CENPN: variants seen among roughly 807,000 people sequenced by gnomAD.
CENPN encodes centromere protein N.
Under a neutral mutation model 48.6 loss-of-function variants are expected in CENPN, and 36 were observed. The ratio of observed to expected loss-of-function variants is 0.74; its 90% CI spans 0.57 to 0.98. The LOEUF is 0.98. CENPN is among the 50% of genes least tolerant of loss of function. CENPN has a pLI of 0.00. For synonymous variants in CENPN, 166 were observed against 135.2 expected, an observed-to-expected ratio of 1.23 and a Z score of -1.58; for missense variants, 439 against 399.2, an observed-to-expected ratio of 1.10 and a Z score of -0.85.
chr16:81,014,425 G>C (rs1969857430), intron 3 of CENPN: 1 of 450,966 alleles, frequency 2.2e-6, no homozygotes, highest in East Asian at 3.8e-5. Flanking sequence ...TTGCCACAAG[G>C]TTTTGCCGTG....
chr16:81,031,937 C>G (rs1970795880), downstream of CENPN, among the ~76,000 whole-genome samples: 1 of 152,056 alleles, frequency 6.6e-6, no homozygotes, highest in Non-Finnish European at 1.5e-5. Flanking sequence ...CTCTTCATGG[C>G]CAACTCACTG....
At chr16:81,010,688 C>T (rs1183370830) in intron 1 of CENPN, among the ~76,000 whole-genome samples, 1 of 152,230 alleles carries the variant, frequency 6.6e-6, no homozygotes, top group Non-Finnish European at 1.5e-5. Flanking sequence ...AACAGAATTA[C>T]AGAATTCTTG....
chr16:81,032,728 G>C, downstream of CENPN: 1 of 1,580,810 alleles, frequency 6.3e-7, no homozygotes, highest in Non-Finnish European at 8.6e-7. Flanking sequence ...ACATTTAAAT[G>C]GTTAATCAAA....
rs1969956484 is a variant in CENPN, at chr16:81,016,949, A to G, written c.218-377A>G. 1.7e-4 allele frequency: 41 copies of G among 237,952 alleles called. No individual in the cohort carries two copies. The South Asian group carries it at 1.7e-3, about 10-fold the overall frequency. The allele number at this position is 237,952 out of a possible 1,614,324, so 14.7% of individuals were successfully genotyped here. ...AGTAGGGTGTGTAAGGAGCTAGGAG[A>G]AGAGGCTCCAGGCAGAGGAACAGCT... is the stretch of plus-strand genomic sequence containing the variant. On this transcript the variant is annotated intron_variant, in intron 3 of 10. Transcript: ENST00000305850.
chr16:81,008,777 T>A (rs1051377659), intron 1 of CENPN, among the ~76,000 whole-genome samples: 7 of 152,254 alleles, frequency 4.6e-5, no homozygotes, highest in Non-Finnish European at 7.3e-5. Context: ...CTTGGCCTGA[T>A]TAGACTTACT....
chr16:81,031,695 T>G (rs560558595), downstream of CENPN, among the ~76,000 whole-genome samples: 1 of 152,174 alleles, frequency 6.6e-6, no homozygotes, highest in Admixed American at 6.5e-5. Context: ...TTGGTTGAGG[T>G]TCTTTATCCA....
intron 5 of CENPN, among the ~76,000 whole-genome samples, chr16:81,018,263 T>G (rs1046237002): frequency 1.3e-4 from 19 of 151,740 alleles, no homozygotes; most frequent in Non-Finnish European, 2.6e-4. Flanking sequence ...TGCAACTGCC[T>G]CCTGGGTTCA....
In CENPN at chr16:81,022,212, C is replaced by A. The variant is rs192092602; in HGVS notation, c.532-385C>A. The A allele has an allele frequency of 3.5e-5, 8 of 230,692 alleles. No individual in the cohort carries two copies. The East Asian group carries it at 8.8e-4, about 25-fold the overall frequency. 14.3% of individuals were successfully genotyped at this position (230,692 alleles called of 1,614,324 possible). ...TGTATTCAATACACACTTATTTCTT[C>A]AGTATTTGCCAAAAAGCATACATAT... On this transcript the variant is annotated intron_variant, in intron 6 of 10. Coordinates refer to ENST00000305850, the MANE Select transcript of CENPN (RefSeq NM_001100624.3).
intron 3 of CENPN, among the ~76,000 whole-genome samples, chr16:81,016,382 T>G (rs1240555113): frequency 1.3e-5 from 2 of 152,222 alleles, no homozygotes; most frequent in Non-Finnish European, 2.9e-5. Flanking sequence ...CAGTTAAGTT[T>G]AGACCTGGGA....
intron 4 of CENPN, among the ~76,000 whole-genome samples, 160 bp from the exon 5 acceptor site, chr16:81,017,598 T>G (rs11866803): frequency 0.27 from 40,715 of 152,078 alleles, 5,663 homozygotes; most frequent in East Asian, 0.42. Context: ...GAAACATACT[T>G]CTTGGTGCCA....
At chr16:81,023,685 C>G in intron 7 of CENPN, 1 of 152,252 alleles carries the variant, frequency 6.6e-6, no homozygotes, top group East Asian at 1.9e-4. Flanking sequence ...GCCTGTAACC[C>G]TAGCTCTTTG....
At chr16:81,023,057 T>C in intron 7 of CENPN, 1 of 562,410 alleles carries the variant, frequency 1.8e-6, no homozygotes, top group Non-Finnish European at 2.9e-6. Flanking sequence ...ATTAACTTTT[T>C]GTCCCATCAC....
intron 6 of CENPN, 176 bp from the exon 7 acceptor site, chr16:81,022,421 C>A: frequency 1.7e-6 from 1 of 591,434 alleles, no homozygotes; most frequent in Non-Finnish European, 3.0e-6. Context: ...GTATTAATGC[C>A]ATTAACCACT....
At chr16:81,032,216 T>G (rs370192511), downstream of CENPN, among the ~76,000 whole-genome samples, 20 of 152,166 alleles carry the variant, frequency 1.3e-4, 1 homozygote, top group South Asian at 4.1e-3. Context: ...TCATTATCTA[T>G]CAAAAAATGA....
rs1970502325 is a variant in CENPN, at chr16:81,026,516, C to T, written c.698-10C>T. On this transcript the variant is annotated splice_polypyrimidine_tract_variant and intron_variant, in intron 8 of 10. Transcript: ENST00000305850. ...TAACGGCTGTTTTATTTGAAATCTTCCACCCATAGTGGATTCAAGGATCAT... is the reference window on the plus strand; with the variant it reads ...TAACGGCTGTTTTATTTGAAATCTTTCACCCATAGTGGATTCAAGGATCAT... 1.0e-5 allele frequency: 14 copies of T among 1,368,006 alleles called. No individual in the cohort carries two copies. Among genetic ancestry groups the T allele is most frequent in the Non-Finnish European group, 1.3e-5 (13 of 969,088 alleles). The allele number at this position is 1,368,006 out of a possible 1,614,324, so 84.7% of individuals were successfully genotyped here.
At chr16:81,027,317 C>G (rs1349756169) in intron 9 of CENPN, among the ~76,000 whole-genome samples, 1 of 151,986 alleles carries the variant, frequency 6.6e-6, no homozygotes, top group Non-Finnish European at 1.5e-5. Context: ...ACAGCAAAAC[C>G]CTGTGTCTAC....
intron 6 of CENPN, among the ~76,000 whole-genome samples, chr16:81,020,802 C>T (rs905342626): frequency 6.6e-6 from 1 of 151,942 alleles, no homozygotes; most frequent in Non-Finnish European, 1.5e-5. Flanking sequence ...TTAGAAAAGC[C>T]AGGGTAGGCC....
At chr16:81,023,346 T>C (rs1444547281) in intron 7 of CENPN, 1 of 156,582 alleles carries the variant, frequency 6.4e-6, no homozygotes, top group Non-Finnish European at 1.4e-5. Flanking sequence ...CAGAAAGAAG[T>C]GACAGCTCTC....
intron 6 of CENPN, among the ~76,000 whole-genome samples, chr16:81,022,161 C>T (rs964862002): frequency 6.6e-6 from 1 of 152,146 alleles, no homozygotes; most frequent in Non-Finnish European, 1.5e-5. Context: ...CTTCTTTTCC[C>T]CTAATGACAG....
Sources: gnomAD v4.1 joint callset for allele counts (sites outside exome capture counted in the v4.1 genomes callset) on GRCh38, gnomAD v4.1.1 for gene constraint, MANE v1.5 for transcripts, NCBI Gene and HGNC (gene_info 2026-07-23, HGNC 2026-07-21) for gene names.